The following CPM variants were observed in gnomAD, a reference collection of about 807,000 sequenced individuals.
CPM encodes renal carboxypeptidase.
CPM carries 35 observed loss-of-function variants against 46.4 expected under a neutral mutation model. That is an observed-to-expected ratio of 0.75 (90% CI 0.58 to 1.00). CPM has a LOEUF of 1.00. CPM is among the 50% of genes least tolerant of loss of function. The pLI is 0.00. For synonymous variants in CPM, 195 were observed against 195.3 expected (o/e 1.00, Z 0.01); for missense variants, 422 against 530.4 (o/e 0.80, Z 2.01).
rs79568727 is a variant in CPM, at chr12:68,872,080, T to C, written c.259-124A>G. ...GATATCTCAGACCCAAACTAGTTTG[T>C]AAGATCACTCTTTCTCAAGCATGCT... On this transcript the variant is annotated intron_variant, in intron 3 of 8. Coordinates refer to ENST00000551568, the MANE Select transcript of CPM (RefSeq NM_198320.5). 327 of 945,622 alleles carry C rather than the reference T, an allele frequency of 3.5e-4. No homozygotes were observed. In the African/African-American group the frequency reaches 4.9e-3, roughly 14 times the overall value. 58.6% of individuals were successfully genotyped at this position (945,622 alleles called of 1,614,324 possible).
intron 3 of CPM, among the ~76,000 whole-genome samples, chr12:68,875,060 A>G (rs1222664649): frequency 1.3e-5 from 2 of 152,266 alleles, no homozygotes; most frequent in East Asian, 3.9e-4. Context: ...AACAAAATAT[A>G]AAAGTTGAGG....
chr12:68,861,078 C>T (rs550456137), intron 7 of CPM, among the ~76,000 whole-genome samples: 1 of 152,010 alleles, frequency 6.6e-6, no homozygotes, highest in East Asian at 1.9e-4. Flanking sequence ...GGTGGGGTTT[C>T]GCCATGTTGC....
intron 3 of CPM, among the ~76,000 whole-genome samples, chr12:68,882,034 T>TG (rs1439407159): frequency 8.6e-5 from 13 of 151,336 alleles, no homozygotes; most frequent in Admixed American, 3.3e-4. Context: ...CTTTTTTTTT[T>TG]TTTTTTTTTT....
At chr12:68,896,782 T>C (rs1886890821) in intron 2 of CPM, among the ~76,000 whole-genome samples, 1 of 152,266 alleles carries the variant, frequency 6.6e-6, no homozygotes, top group East Asian at 1.9e-4. Context: ...TTCATCCCCA[T>C]AGTATTAAAG....
rs1048906161 is a variant in CPM at position 68,853,600 on chromosome 12, T to G, written c.*2837A>C. 5 of 152,184 alleles carry G rather than the reference T, an allele frequency of 3.3e-5. No individual in the cohort carries two copies. The highest frequency in any genetic ancestry group is 1.2e-4 in the African/African-American group (5 of 41,444). 9.4% of individuals were successfully genotyped at this position (152,184 alleles called of 1,614,324 possible). On this transcript the variant is annotated 3_prime_UTR_variant, in exon 9 of 9. Transcript: ENST00000551568. ...ACTCTCCATGCCAGTATGTCTCATT[T>G]CTAGATCCCATAGAACTTTCAATTG...
At chr12:68,956,414 G>A (rs534423658) in intron 1 of CPM, among the ~76,000 whole-genome samples, 9 of 152,274 alleles carry the variant, frequency 5.9e-5, no homozygotes, top group African/African-American at 1.7e-4. Flanking sequence ...GTCTGTTCCC[G>A]GCTCCCACTG....
intron 3 of CPM, among the ~76,000 whole-genome samples, chr12:68,881,843 A>C (rs7964893): frequency 0.5 from 75,776 of 150,636 alleles, 19,810 homozygotes; most frequent in Non-Finnish European, 0.58. Context: ...GCCTTAGCCT[A>C]CCAAGTAGCT....
intron 2 of CPM, among the ~76,000 whole-genome samples, chr12:68,895,620 T>C (rs905538505): frequency 2.9e-4 from 44 of 152,184 alleles, no homozygotes; most frequent in African/African-American, 9.9e-4. Context: ...CCTGTGCTTT[T>C]TCAGATAGGG....
intron 2 of CPM, among the ~76,000 whole-genome samples, chr12:68,922,618 A>ATT (rs10603077): frequency 0.014 from 1,973 of 138,098 alleles, 25 homozygotes; most frequent in South Asian, 0.037. Context: ...AGTTGGCAGC[A>ATT]TTTTTTTTTT....
intron 2 of CPM, among the ~76,000 whole-genome samples, chr12:68,925,354 A>T (rs926661456): frequency 3.3e-5 from 5 of 152,184 alleles, no homozygotes; most frequent in African/African-American, 9.7e-5. Context: ...TATTCTAAAG[A>T]CCCATGGTCA....
At chr12:68,955,800 C>T (rs1889006715) in intron 1 of CPM, among the ~76,000 whole-genome samples, 1 of 152,072 alleles carries the variant, frequency 6.6e-6, no homozygotes, top group African/African-American at 2.4e-5. Context: ...CTGAGTCTGG[C>T]TGAGTCTGGG....
chr12:68,887,764 T>G (rs763664961), intron 2 of CPM, among the ~76,000 whole-genome samples: 2 of 152,172 alleles, frequency 1.3e-5, no homozygotes, highest in Admixed American at 6.5e-5. Flanking sequence ...GTGTGTGTAG[T>G]GTACTGTTGT....
intron 2 of CPM, among the ~76,000 whole-genome samples, chr12:68,928,803 G>A (rs946147176): frequency 2.0e-5 from 3 of 151,192 alleles, no homozygotes; most frequent in Admixed American, 6.6e-5. Flanking sequence ...ACGGTGGCAC[G>A]ATCATGGCCC....
At chr12:68,913,887 C>G (rs960457306) in intron 2 of CPM, 1 of 691,622 alleles carries the variant, frequency 1.4e-6, no homozygotes, top group African/African-American at 1.7e-5. Flanking sequence ...AGTTCCTTGA[C>G]CTCAGTATGC....
Position 68,855,614 on chromosome 12 carries a change from A to T in CPM, c.*823T>A, listed in dbSNP as rs568700295. 1 of 152,292 alleles carries T rather than the reference A, an allele frequency of 6.6e-6. No individual in the cohort carries two copies. Among genetic ancestry groups the T allele is most frequent in the Non-Finnish European group, 1.5e-5 (1 of 68,042 alleles). 9.4% of individuals were successfully genotyped at this position (152,292 alleles called of 1,614,324 possible). A position where few individuals can be genotyped will look rare whatever the true frequency, so the allele number is the denominator to read the frequency against. On this transcript the variant is annotated 3_prime_UTR_variant, in exon 9 of 9. Coordinates refer to ENST00000551568, the MANE Select transcript of CPM (RefSeq NM_198320.5). ...CATATTTTCTCTCACATCTCCTAGA[A>T]CGTTTGCAAAACAATTCCCAGTCCT...
chr12:68,904,317 T>C (rs1338848759), intron 2 of CPM, among the ~76,000 whole-genome samples: 1 of 152,244 alleles, frequency 6.6e-6, no homozygotes, highest in African/African-American at 2.4e-5. Flanking sequence ...TGGACTGATG[T>C]ATCCCTAGCT....
chr12:68,895,436 T>C (rs1232855263), intron 2 of CPM, among the ~76,000 whole-genome samples: 1 of 152,216 alleles, frequency 6.6e-6, no homozygotes. Flanking sequence ...TGTTCAATAA[T>C]GGACATATGA....
intron 2 of CPM, among the ~76,000 whole-genome samples, chr12:68,906,185 A>C (rs745576014): frequency 7.2e-5 from 11 of 152,194 alleles, no homozygotes; most frequent in Non-Finnish European, 1.6e-4. Flanking sequence ...CATCAACAGC[A>C]GACCAGGTCT....
intron 2 of CPM, among the ~76,000 whole-genome samples, chr12:68,918,263 G>T (rs2136302231): frequency 6.6e-6 from 1 of 152,060 alleles, no homozygotes; most frequent in African/African-American, 2.4e-5. Flanking sequence ...CTCGATTCTG[G>T]CCTTCTTTTC....
Sources: allele counts gnomAD v4.1 joint callset (sites outside exome capture counted in the v4.1 genomes callset), GRCh38; gene constraint gnomAD v4.1.1; transcripts MANE v1.5; gene names NCBI Gene and HGNC (gene_info 2026-07-23, HGNC 2026-07-21).